Variants in STX12 observed in about 807,000 individuals in gnomAD.
The protein encoded by STX12 is syntaxin 12.
A neutral mutation model predicts 42.2 loss-of-function variants in STX12; 17 were observed. The observed-to-expected ratio is 0.40, with a 90% CI of 0.28 to 0.60. The LOEUF (loss-of-function observed/expected upper bound fraction) is 0.60. Among genes scored for constraint, STX12 ranks in the 20% least tolerant of loss-of-function variants. The pLI is 0.39. For synonymous variants in STX12, 108 were observed against 116.7 expected (o/e 0.93, Z 0.48); for missense variants, 297 against 330.9 (o/e 0.90, Z 0.79).
chr1:27,774,522 T>C (rs766846), intron 1 of STX12, among the ~76,000 whole-genome samples: 4 of 152,180 alleles, frequency 2.6e-5, no homozygotes, highest in African/African-American at 9.6e-5. Flanking sequence ...TTTAAACTTT[T>C]AAAAATTTTT....
At chr1:27,818,586 C>T (rs74395319) in intron 7 of STX12, among the ~76,000 whole-genome samples, 1 of 152,058 alleles carries the variant, frequency 6.6e-6, no homozygotes, top group Admixed American at 6.5e-5. Flanking sequence ...CTCTCAGCTT[C>T]CCAGCTTTTA....
chr1:27,780,026 G>A (rs1356422440), intron 1 of STX12, among the ~76,000 whole-genome samples: 1 of 151,674 alleles, frequency 6.6e-6, no homozygotes, highest in Non-Finnish European at 1.5e-5. Flanking sequence ...CCTGACCTCA[G>A]GTGATCCGCC....
chr1:27,786,499 C>T (rs2088699903), intron 1 of STX12, among the ~76,000 whole-genome samples: 1 of 152,136 alleles, frequency 6.6e-6, no homozygotes, highest in Non-Finnish European at 1.5e-5. Context: ...ATCCTCTGCC[C>T]ACCGCTGTCA....
chr1:27,784,654 C>T (rs1043902404), intron 1 of STX12, among the ~76,000 whole-genome samples: 1 of 152,132 alleles, frequency 6.6e-6, no homozygotes, highest in Non-Finnish European at 1.5e-5. Flanking sequence ...CATTGAGTTA[C>T]TAGTTTTGAA....
chr1:27,805,265 T>C (rs2088855673), intron 4 of STX12, among the ~76,000 whole-genome samples: 1 of 152,208 alleles, frequency 6.6e-6, no homozygotes, highest in African/African-American at 2.4e-5. Context: ...AGAAAAATTT[T>C]AGATGTTTGT....
At chr1:27,800,630 A>G (rs2088821622) in intron 3 of STX12, among the ~76,000 whole-genome samples, 1 of 151,810 alleles carries the variant, frequency 6.6e-6, no homozygotes, top group Non-Finnish European at 1.5e-5. Flanking sequence ...CCAGGGTCAA[A>G]TGATCCTCCT....
chr1:27,777,017 T>C (rs1401330441), intron 1 of STX12, among the ~76,000 whole-genome samples: 2 of 152,236 alleles, frequency 1.3e-5, no homozygotes, highest in African/African-American at 4.8e-5. Context: ...GAGCACCTGC[T>C]GTGTGCTGGG....
At chr1:27,800,525 GTGTGTGTTT>G (rs1325486160) in intron 3 of STX12, among the ~76,000 whole-genome samples, 5 of 141,010 alleles carry the variant, frequency 3.5e-5, no homozygotes, top group African/African-American at 1.1e-4. Flanking sequence ...GTGTGTGTGT[GTGTGTGTTT>G]TGTTTTGTTT....
chr1:27,790,650 T>C (rs1482559834), intron 2 of STX12, among the ~76,000 whole-genome samples: 1 of 152,142 alleles, frequency 6.6e-6, no homozygotes, highest in Non-Finnish European at 1.5e-5. Context: ...TTAAAGTATA[T>C]GGAAGGGGGT....
rs2088994183 is a variant in STX12, at chr1:27,822,770, G to A, written c.*441G>A. 1 of 153,118 alleles carries A rather than the reference G, an allele frequency of 6.5e-6. No individual in the cohort carries two copies. The highest frequency in any genetic ancestry group is 2.1e-4 in the South Asian group (1 of 4,870). The allele number at this position is 153,118 out of a possible 1,614,324, so 9.5% of individuals were successfully genotyped here. ...TCAGAAACTCTATAATAGGCCACCA[G>A]TTTTTATTATTTAACATTTTTATTT... is the stretch of plus-strand genomic sequence containing the variant. On this transcript the variant is annotated 3_prime_UTR_variant, in exon 9 of 9. Coordinates refer to ENST00000373943, the MANE Select transcript of STX12 (RefSeq NM_177424.3).
rs1337541363 is a variant in STX12 at position 27,792,266 on chromosome 1, ATATG to A, written c.189-1263_189-1260del. Among the ~76,000 whole-genome samples the A allele has an allele frequency of 2.8e-3, 384 of 136,562 alleles. 8 individuals carry two copies. Among genetic ancestry groups the A allele is most frequent in the Non-Finnish European group, 4.6e-3 (295 of 64,154 alleles). The allele number at this position is 136,562 out of a possible 152,430, so 89.6% of individuals were successfully genotyped here. A position where few individuals can be genotyped will look rare whatever the true frequency, so the allele number is the denominator to read the frequency against. ...TATCTATATATATGTAGATACATAT[ATATG>A]TATCTATATATATGTAGATACATAT... On this transcript the variant is annotated intron_variant, in intron 2 of 8. Coordinates refer to ENST00000373943, the MANE Select transcript of STX12 (RefSeq NM_177424.3).
At chr1:27,800,231 C>A (rs551299121) in intron 3 of STX12, among the ~76,000 whole-genome samples, 2 of 152,294 alleles carry the variant, frequency 1.3e-5, no homozygotes, top group African/African-American at 4.8e-5. Flanking sequence ...ATTTGCCTTA[C>A]CCCTTCTTTC....
At chr1:27,815,294 A>G (rs2088933821) in intron 6 of STX12, among the ~76,000 whole-genome samples, 1 of 152,208 alleles carries the variant, frequency 6.6e-6, no homozygotes, top group Admixed American at 6.5e-5. Context: ...ATGCCAGGGT[A>G]TAATGGATCA....
Position 27,801,830 on chromosome 1 carries a change from A to G in STX12, c.426+15A>G. The stretch of plus-strand genomic sequence containing the variant: ...CTCGTCTTTCTGTAAGTTGATTCCC[A>G]AAAGAAGACCTTTGCAATATCAGAA... On this transcript the variant is annotated intron_variant, in intron 4 of 8. Transcript: ENST00000373943. 6.4e-7 allele frequency: 1 copy of G among 1,570,910 alleles called. No homozygotes were observed. The highest frequency in any genetic ancestry group is 2.3e-5 in the East Asian group (1 of 42,664).
Position 27,819,691 on chromosome 1 carries a change from G to C in STX12, c.691G>C (p.Glu231Gln), listed in dbSNP as rs569877251. The C allele has an allele frequency of 6.2e-7, 1 of 1,613,922 alleles. No homozygotes were observed. The highest frequency in any genetic ancestry group is 1.1e-5 in the South Asian group (1 of 91,070). ...ANVESSEVHV[E>Q]RATEQLQRAA... is the part of the protein sequence containing the mutation. Reference sequence around the variant, plus strand: ...TGTGGAAAGCTCAGAGGTGCACGTCGAAAGAGCCACTGAACAGTTACAGCG... The same window carrying C: ...TGTGGAAAGCTCAGAGGTGCACGTCCAAAGAGCCACTGAACAGTTACAGCG... The change falls in exon 8 of 9, where the codon GAA becomes CAA. Residue 231 changes from glutamate to glutamine, a missense_variant. Physicochemically the swap from Glu to Gln is conservative, Grantham distance 29. Coordinates refer to ENST00000373943, the MANE Select transcript of STX12 (RefSeq NM_177424.3).
At chr1:27,784,405 G>A (rs927988444) in intron 1 of STX12, among the ~76,000 whole-genome samples, 15 of 151,946 alleles carry the variant, frequency 9.9e-5, no homozygotes, top group African/African-American at 3.6e-4. Context: ...ATTTTTTGTA[G>A]AGGCAGTTTT....
At chr1:27,810,360 A>G (rs1239746322) in intron 5 of STX12, 71 bp downstream of exon 5, 1 of 1,405,750 alleles carries the variant, frequency 7.1e-7, no homozygotes, top group East Asian at 2.5e-5. Flanking sequence ...TTTAATTTTA[A>G]AAATCAATGA....
At chr1:27,801,908 A>G in intron 4 of STX12, 93 bp downstream of exon 4, 6 of 1,468,780 alleles carry the variant, frequency 4.1e-6, no homozygotes, top group Non-Finnish European at 5.4e-6. Flanking sequence ...ACCAATAAAC[A>G]TGTAAGTTAG....
Position 27,817,847 on chromosome 1 carries a change from T to C in STX12, c.577-4T>C. On this transcript the variant is annotated splice_polypyrimidine_tract_variant and splice_region_variant and intron_variant, in intron 6 of 8. Coordinates refer to ENST00000373943, the MANE Select transcript of STX12 (RefSeq NM_177424.3). ...GTTAGTTAATTGTTTTTTGTCTTCC[T>C]TAGGCTGACATTTTGGATGTCAATC... The C allele has an allele frequency of 6.2e-7, 1 of 1,613,780 alleles. No individual in the cohort carries two copies. Among genetic ancestry groups the C allele is most frequent in the South Asian group, 1.1e-5 (1 of 91,042 alleles).
Sources: allele counts gnomAD v4.1 joint callset (sites outside exome capture counted in the v4.1 genomes callset), GRCh38; gene constraint gnomAD v4.1.1; transcripts MANE v1.5; gene names NCBI Gene and HGNC (gene_info 2026-07-23, HGNC 2026-07-21).